NUP58: variants seen among roughly 807,000 people sequenced by gnomAD.
NUP58 encodes the protein nucleoporin 58.
Under a neutral mutation model 70.1 loss-of-function variants are expected in NUP58, and 17 were observed. That is an observed-to-expected ratio of 0.24 (90% CI 0.17 to 0.36). The LOEUF is 0.36. NUP58 is among the 10% of genes least tolerant of loss of function. The pLI, the probability that NUP58 is intolerant of heterozygous loss-of-function variation, is 1.00. For missense variants in NUP58, 644 were observed against 701.5 expected, an observed-to-expected ratio of 0.92 and a Z score of 0.93; for synonymous variants, 275 against 257.6, an observed-to-expected ratio of 1.07 and a Z score of -0.65.
At chr13:25,329,526 A>C (rs2137807320) in intron 12 of NUP58, among the ~76,000 whole-genome samples, 1 of 152,340 alleles carries the variant, frequency 6.6e-6, no homozygotes, top group South Asian at 2.1e-4. Flanking sequence ...CTCTTTAAGC[A>C]ACCCAGGAAC....
intron 3 of NUP58, chr13:25,309,901 G>C (rs1293683640): frequency 4.7e-6 from 1 of 212,300 alleles, no homozygotes; most frequent in Admixed American, 5.6e-5. Context: ...CTTAAATTGA[G>C]TTTTAAGTTA....
In NUP58 at chr13:25,338,791, A is replaced by G. The variant is rs986057943; in HGVS notation, c.1630+60A>G. On this transcript the variant is annotated intron_variant, in intron 15 of 15. Transcript: ENST00000381736. The stretch of plus-strand genomic sequence containing the variant: ...TAAAGGTGTAAATTATTTAATTTAA[A>G]AGTATGTGTTGTTATTTCCAGTAAC... 9 of 1,445,868 alleles carry G rather than the reference A, an allele frequency of 6.2e-6. No individual in the cohort carries two copies. The Admixed American group carries it at 8.9e-5, about 14-fold the overall frequency. 89.6% of individuals were successfully genotyped at this position (1,445,868 alleles called of 1,614,324 possible).
At position 25,303,736 on chromosome 13, in the gene NUP58, T is replaced by C. The variant is rs1425300807; in HGVS notation, c.107+1856T>C. The stretch of plus-strand genomic sequence containing the variant: ...TTGTTGTCAGATCTCAGCACTAGAA[T>C]AATTAATACCTATGTCTCTCACTGA... On this transcript the variant is annotated intron_variant, in intron 1 of 15. Transcript: ENST00000381736. Among the ~76,000 whole-genome samples, 6 of 152,094 alleles carry C rather than the reference T, an allele frequency of 3.9e-5. No individual in the cohort carries two copies. The East Asian group carries it at 1.2e-3, about 30-fold the overall frequency.
rs536475166 is a variant in NUP58, at chr13:25,333,269, G to A, written c.1435+1711G>A. 1.5e-5 allele frequency: 15 copies of A among 985,300 alleles called. No individual in the cohort carries two copies. In the African/African-American group the frequency reaches 1.7e-4, roughly 11 times the overall value. 61.0% of individuals were successfully genotyped at this position (985,300 alleles called of 1,614,324 possible). Reference sequence around the variant, plus strand: ...TGAGTGCCTACTATGTGCTGGGCTCGAGGAATACAAAGGTAGACAATATAG... The same window carrying A: ...TGAGTGCCTACTATGTGCTGGGCTCAAGGAATACAAAGGTAGACAATATAG... On this transcript the variant is annotated intron_variant, in intron 13 of 15. Coordinates refer to ENST00000381736, the MANE Select transcript of NUP58 (RefSeq NM_014089.4).
chr13:25,338,309 T>C (rs2031853733), intron 14 of NUP58, among the ~76,000 whole-genome samples: 1 of 152,182 alleles, frequency 6.6e-6, no homozygotes, highest in Admixed American at 6.6e-5. Context: ...GTGGAAATGG[T>C]TATAACTGAC....
At chr13:25,322,736 C>G (rs2031238704) in intron 9 of NUP58, among the ~76,000 whole-genome samples, 1 of 152,136 alleles carries the variant, frequency 6.6e-6, no homozygotes, top group South Asian at 2.1e-4. Context: ...ATCCAAAACA[C>G]TTCTGGTCCC....
intron 10 of NUP58, among the ~76,000 whole-genome samples, chr13:25,325,917 C>G (rs2031376339): frequency 1.3e-5 from 2 of 152,196 alleles, no homozygotes; most frequent in South Asian, 4.2e-4. Context: ...AGAAAAGTTT[C>G]AAGATGAGAA....
At chr13:25,319,529 CA>C (rs1332167944) in intron 7 of NUP58, among the ~76,000 whole-genome samples, 179 bp downstream of exon 7, 2 of 151,974 alleles carry the variant, frequency 1.3e-5, no homozygotes, top group Non-Finnish European at 2.9e-5. Flanking sequence ...AATGAAAGGT[CA>C]AATCTTTAGT....
At chr13:25,317,064 C>G (rs2030964570) in intron 6 of NUP58, among the ~76,000 whole-genome samples, 1 of 151,736 alleles carries the variant, frequency 6.6e-6, no homozygotes, top group Non-Finnish European at 1.5e-5. Flanking sequence ...TTCTGTGTTT[C>G]TAGTAGCTGT....
chr13:25,312,172 G>A (rs1277316817), intron 3 of NUP58, among the ~76,000 whole-genome samples: 1 of 152,044 alleles, frequency 6.6e-6, no homozygotes, highest in Admixed American at 6.6e-5. Flanking sequence ...GGACTGAAAA[G>A]GAATAGGGAG....
chr13:25,313,596 C>T lies in NUP58; in HGVS notation c.437-18C>T, dbSNP rs760118274. The T allele has an allele frequency of 6.8e-7, 1 of 1,471,890 alleles. No individual in the cohort carries two copies. Among genetic ancestry groups the T allele is most frequent in the South Asian group, 1.5e-5 (1 of 65,274 alleles). The allele number at this position is 1,471,890 out of a possible 1,614,324, so 91.2% of individuals were successfully genotyped here. ...AAATAAGTTGCCTTTTGAAAGCTTA[C>T]TATCTCTCTTTTTATAGCATCCACA... On this transcript the variant is annotated intron_variant, in intron 4 of 15. Transcript: ENST00000381736.
chr13:25,316,169 T>A (rs1012234675), intron 6 of NUP58, among the ~76,000 whole-genome samples: 8 of 152,200 alleles, frequency 5.3e-5, no homozygotes, highest in Admixed American at 2.6e-4. Flanking sequence ...AGAAAGATTT[T>A]ACCAGTTTAC....
chr13:25,326,805 A>AAG, intron 10 of NUP58, 111 bp from the exon 11 acceptor site: 2 of 521,044 alleles, frequency 3.8e-6, no homozygotes, highest in Non-Finnish European at 6.8e-6. Flanking sequence ...TTCCTTGGAT[A>AAG]ACCTTGATAC....
intron 12 of NUP58, among the ~76,000 whole-genome samples, chr13:25,329,158 AG>A (rs900903875): frequency 6.6e-6 from 1 of 152,204 alleles, no homozygotes; most frequent in Non-Finnish European, 1.5e-5. Context: ...GGCACTTTGA[AG>A]TCCGTTGCAC....
At chr13:25,332,994 T>C (rs965701741) in intron 13 of NUP58, 7 of 984,830 alleles carry the variant, frequency 7.1e-6, no homozygotes, top group Non-Finnish European at 8.4e-6. Flanking sequence ...TTAAGTGTTC[T>C]TTAAACATAG....
intron 6 of NUP58, among the ~76,000 whole-genome samples, chr13:25,318,958 G>A (rs2031061882): frequency 6.6e-6 from 1 of 152,224 alleles, no homozygotes; most frequent in African/African-American, 2.4e-5. Context: ...ACGGAAGATG[G>A]TTGAGAAAGG....
chr13:25,302,391 G>C (rs1055630991), intron 1 of NUP58, among the ~76,000 whole-genome samples: 2 of 151,930 alleles, frequency 1.3e-5, no homozygotes, highest in Non-Finnish European at 2.9e-5. Context: ...ATCTGTTTTT[G>C]TTAAAAAAAA....
intron 12 of NUP58, among the ~76,000 whole-genome samples, chr13:25,330,929 C>A (rs143662163): frequency 1.7e-3 from 251 of 151,626 alleles, no homozygotes; most frequent in Middle Eastern, 0.014. Flanking sequence ...ACTTTTTTTT[C>A]TTTCTTTTTT....
At chr13:25,314,489 A>G (rs973954355) in intron 5 of NUP58, among the ~76,000 whole-genome samples, 3 of 152,088 alleles carry the variant, frequency 2.0e-5, no homozygotes, top group African/African-American at 7.2e-5. Flanking sequence ...TGAGGTCAGG[A>G]GTTCGAGACC....
Sources: gnomAD v4.1 joint callset for allele counts (sites outside exome capture counted in the v4.1 genomes callset) on GRCh38, gnomAD v4.1.1 for gene constraint, MANE v1.5 for transcripts, NCBI Gene and HGNC (gene_info 2026-07-23, HGNC 2026-07-21) for gene names.